TSNARE1: variants seen among roughly 807,000 people sequenced by gnomAD.
The protein encoded by TSNARE1 is t-SNARE domain-containing protein 1.
TSNARE1 carries 49 observed loss-of-function variants against 62.0 expected under a neutral mutation model. The observed-to-expected ratio is 0.79, with a 90% CI of 0.63 to 1.00. The LOEUF (loss-of-function observed/expected upper bound fraction) is 1.00. TSNARE1 is among the 50% of genes least tolerant of loss of function. The pLI is 0.00. For missense variants in TSNARE1, 755 were observed against 700.1 expected (o/e 1.08, Z -0.88); for synonymous variants, 328 against 294.4 (o/e 1.11, Z -1.17).
At chr8:142,309,759 T>C (rs1222333153) in intron 9 of TSNARE1, among the ~76,000 whole-genome samples, 1 of 152,164 alleles carries the variant, frequency 6.6e-6, no homozygotes, top group African/African-American at 2.4e-5. Context: ...TGGGGCCTCA[T>C]GAGGCAGGCA....
chr8:142,328,730 C>T (rs983298006), intron 6 of TSNARE1, among the ~76,000 whole-genome samples: 1 of 150,200 alleles, frequency 6.7e-6, no homozygotes, highest in Non-Finnish European at 1.5e-5. Context: ...GACAGAAGTG[C>T]GTGAGCTGAG....
At chr8:142,338,746 G>A (rs1046440360) in intron 4 of TSNARE1, among the ~76,000 whole-genome samples, 34 of 152,372 alleles carry the variant, frequency 2.2e-4, no homozygotes, top group African/African-American at 7.9e-4. Flanking sequence ...TCAAGACAGT[G>A]TGCAGCCTGA....
chr8:142,372,857 C>A (rs886763635), intron 1 of TSNARE1, among the ~76,000 whole-genome samples: 2 of 152,072 alleles, frequency 1.3e-5, no homozygotes, highest in Non-Finnish European at 2.9e-5. Flanking sequence ...CCAGCAGACT[C>A]CCCCAGGCCT....
chr8:142,274,235 CCA>C lies in TSNARE1; in HGVS notation c.1446+544_1446+545del, dbSNP rs558779532. 4,520 of 985,446 alleles carry C rather than the reference CCA, an allele frequency of 4.6e-3. 7 individuals are homozygous for C. Among genetic ancestry groups the C allele is most frequent in the Non-Finnish European group, 5.0e-3 (4,178 of 829,926 alleles). 61.0% of individuals were successfully genotyped at this position (985,446 alleles called of 1,614,324 possible). On this transcript the variant is annotated intron_variant, in intron 12 of 13. Transcript: ENST00000524325. ...CGGCTGGGCCTCCATCTCAGCTGGG[CCA>C]CAGTCTCCAGCCAGCCTGACCTGTC...
At chr8:142,315,238 CGT>C in intron 7 of TSNARE1, 146 bp from the exon 8 acceptor site, 1 of 793,994 alleles carries the variant, frequency 1.3e-6, no homozygotes, top group Non-Finnish European at 2.0e-6. Flanking sequence ...TCCGTGTCAC[CGT>C]CGTCTCCACA....
chr8:142,275,481 C>T, intron 11 of TSNARE1: 1 of 985,418 alleles, frequency 1.0e-6, no homozygotes, highest in African/African-American at 1.7e-5. Context: ...CCACGGGAGA[C>T]ACCAGACCAG....
intron 6 of TSNARE1, among the ~76,000 whole-genome samples, chr8:142,324,901 C>T (rs1019440942): frequency 3.9e-5 from 6 of 152,246 alleles, no homozygotes; most frequent in Non-Finnish European, 7.3e-5. Context: ...GCCGGTCCCT[C>T]GGCTGAGGGG....
intron 12 of TSNARE1, among the ~76,000 whole-genome samples, chr8:142,256,466 A>ACC (rs1818579631): frequency 7.7e-6 from 1 of 129,308 alleles, no homozygotes; most frequent in Non-Finnish European, 1.7e-5. Context: ...CATAACCACC[A>ACC]ACACCATCAC....
At chr8:142,283,134 G>A (rs1330221740) in intron 11 of TSNARE1, among the ~76,000 whole-genome samples, 1 of 150,350 alleles carries the variant, frequency 6.7e-6, no homozygotes, top group South Asian at 2.1e-4. Flanking sequence ...GCAGAGGCGG[G>A]GCCAGTGTCT....
At chr8:142,305,889 G>C (rs1358446208) in intron 9 of TSNARE1, among the ~76,000 whole-genome samples, 1 of 152,218 alleles carries the variant, frequency 6.6e-6, no homozygotes, top group Non-Finnish European at 1.5e-5. Context: ...GTGAGTGCTG[G>C]AGACAGGGCA....
intron 12 of TSNARE1, chr8:142,273,181 C>G: frequency 1.0e-6 from 1 of 984,962 alleles, no homozygotes; most frequent in East Asian, 1.1e-4. Context: ...CCCTCCTTTC[C>G]TCCTCCTCCT....
In TSNARE1 at chr8:142,336,270, G is replaced by C. The variant is rs574562184; in HGVS notation, c.746-4439C>G. The stretch of plus-strand genomic sequence containing the variant: ...CATTTTAGCATGGACAACAGAGCAA[G>C]AGACCCTGTCTCAAAAAAAAAAAAA... On this transcript the variant is annotated intron_variant, in intron 4 of 13. Transcript: ENST00000524325. 1.8e-3 allele frequency among the ~76,000 whole-genome samples: 201 copies of C among 109,042 alleles called. 1 individual carries two copies. The highest frequency in any genetic ancestry group is 3.0e-3 in the Non-Finnish European group (178 of 59,372). The allele number at this position is 109,042 out of a possible 152,430, so 71.5% of individuals were successfully genotyped here. A position where few individuals can be genotyped will look rare whatever the true frequency, so the allele number is the denominator to read the frequency against.
intron 9 of TSNARE1, among the ~76,000 whole-genome samples, chr8:142,311,769 T>C (rs1388020082): frequency 1.3e-5 from 2 of 152,222 alleles, no homozygotes; most frequent in African/African-American, 4.8e-5. Context: ...AGATTTTCTA[T>C]CATTTTTTCT....
intron 4 of TSNARE1, among the ~76,000 whole-genome samples, chr8:142,333,960 GAAC>G (rs36097116): frequency 0.16 from 24,142 of 152,124 alleles, 2,039 homozygotes; most frequent in East Asian, 0.29. Flanking sequence ...TGCATTAGTA[GAAC>G]AACGAGAATG....
At chr8:142,346,013 TC>T in intron 2 of TSNARE1, 121 bp from the exon 3 acceptor site, 2 of 1,192,628 alleles carry the variant, frequency 1.7e-6, no homozygotes, top group Non-Finnish European at 2.3e-6. Context: ...GGGCTCCTCC[TC>T]CAGGAAGCCC....
chr8:142,401,511 T>C (rs907035922), intron 1 of TSNARE1, among the ~76,000 whole-genome samples: 50 of 152,096 alleles, frequency 3.3e-4, no homozygotes, highest in Non-Finnish European at 6.6e-4. Context: ...CTGCAGGCCA[T>C]GAGGAGCTGT....
chr8:142,271,039 G>A (rs796591038), intron 12 of TSNARE1: 2 of 985,852 alleles, frequency 2.0e-6, no homozygotes, highest in African/African-American at 1.7e-5. Context: ...GGGAAAGACT[G>A]GAGGCCCTGC....
intron 12 of TSNARE1, chr8:142,270,357 G>A (rs556648566): frequency 4.9e-5 from 48 of 985,422 alleles, no homozygotes; most frequent in Admixed American, 1.8e-4. Context: ...TCACGTGCTC[G>A]TCAGCAGCCG....
At chr8:142,358,530 C>T (rs1237310689) in intron 1 of TSNARE1, among the ~76,000 whole-genome samples, 3 of 152,070 alleles carry the variant, frequency 2.0e-5, no homozygotes, top group Admixed American at 6.5e-5. Context: ...GCTGCTCCAC[C>T]GCCACCAAAG....
Sources: gnomAD v4.1 joint callset for allele counts (sites outside exome capture counted in the v4.1 genomes callset) on GRCh38, gnomAD v4.1.1 for gene constraint, MANE v1.5 for transcripts, NCBI Gene and HGNC (gene_info 2026-07-23, HGNC 2026-07-21) for gene names.